Variants in GRIN2A observed in about 807,000 individuals in gnomAD.
GRIN2A encodes the protein glutamate ionotropic receptor NMDA type subunit 2A, also known as glutamate receptor ionotropic, NMDA 2A.
GRIN2A carries 22 observed loss-of-function variants against 113.4 expected under a neutral mutation model. The ratio of observed to expected loss-of-function variants is 0.19; its 90% CI spans 0.14 to 0.28. The LOEUF (loss-of-function observed/expected upper bound fraction) is 0.28. Ranked by LOEUF, GRIN2A falls within the 10% of genes least tolerant of loss-of-function variation. GRIN2A has a pLI of 1.00. For missense variants in GRIN2A, 1,502 were observed against 1,887.0 expected (o/e 0.80, Z 3.78); for synonymous variants, 827 against 738.4 (o/e 1.12, Z -1.94).
chr16:9,780,386 C>T (rs1456591733), intron 11 of GRIN2A, among the ~76,000 whole-genome samples: 3 of 152,146 alleles, frequency 2.0e-5, no homozygotes, highest in Admixed American at 6.5e-5. Flanking sequence ...CGATAAAATA[C>T]CACCCAGCAA....
intron 2 of GRIN2A, among the ~76,000 whole-genome samples, chr16:10,142,700 A>G (rs983271640): frequency 6.6e-6 from 1 of 152,170 alleles, no homozygotes; most frequent in Non-Finnish European, 1.5e-5. Context: ...CTCTGTCTCT[A>G]AAAACACAAA....
chr16:9,763,163 C>G lies in GRIN2A; in HGVS notation c.4381G>C (p.Glu1461Gln). ...RRVYKKMPSI[E>Q]SDV Reference sequence around the variant, plus strand: ...ATGGAAGATTTTTAAACATCAGATTCGATACTAGGCATTTTCTTGTACACG... The same window carrying G: ...ATGGAAGATTTTTAAACATCAGATTGGATACTAGGCATTTTCTTGTACACG... The change falls in exon 13 of 13, where the codon GAA becomes CAA. Residue 1461 changes from glutamate (E) to glutamine (Q), a missense_variant. Coordinates refer to ENST00000330684, the MANE Select transcript of GRIN2A (RefSeq NM_001134407.3). 1 of 1,613,724 alleles carries G rather than the reference C, an allele frequency of 6.2e-7. No individual in the cohort carries two copies. Among genetic ancestry groups the G allele is most frequent in the Non-Finnish European group, 8.5e-7 (1 of 1,179,658 alleles).
At chr16:9,939,310 G>A (rs1309128782) in intron 2 of GRIN2A, among the ~76,000 whole-genome samples, 1 of 152,154 alleles carries the variant, frequency 6.6e-6, no homozygotes, top group Non-Finnish European at 1.5e-5. Context: ...GATGCACTGC[G>A]ACTATCTCAG....
At chr16:9,897,113 G>A (rs533507759) in intron 3 of GRIN2A, among the ~76,000 whole-genome samples, 37 of 151,764 alleles carry the variant, frequency 2.4e-4, no homozygotes, top group Non-Finnish European at 4.3e-4. Flanking sequence ...GATTTGCCAA[G>A]ACGACTTCTG....
chr16:9,904,266 T>A (rs1173523543), intron 3 of GRIN2A, among the ~76,000 whole-genome samples: 1 of 152,202 alleles, frequency 6.6e-6, no homozygotes, highest in Non-Finnish European at 1.5e-5. Context: ...AGATTTGGTG[T>A]CTGGTGAAAG....
chr16:9,778,397 A>G (rs1433374243), intron 11 of GRIN2A, among the ~76,000 whole-genome samples: 1 of 152,216 alleles, frequency 6.6e-6, no homozygotes, highest in Non-Finnish European at 1.5e-5. Context: ...AGCACAAATG[A>G]ATTCATAGTG....
chr16:9,779,964 T>G (rs998401347), intron 11 of GRIN2A, among the ~76,000 whole-genome samples: 4 of 152,206 alleles, frequency 2.6e-5, no homozygotes, highest in Admixed American at 1.3e-4. Context: ...TGAGGTCAGG[T>G]TACATGAACC....
At chr16:9,787,895 C>G (rs1241073459) in intron 11 of GRIN2A, among the ~76,000 whole-genome samples, 1 of 152,186 alleles carries the variant, frequency 6.6e-6, no homozygotes, top group African/African-American at 2.4e-5. Flanking sequence ...GCTGAGTCAT[C>G]TGAGGACACA....
intron 2 of GRIN2A, among the ~76,000 whole-genome samples, chr16:10,027,391 A>C (rs2046844592): frequency 6.6e-6 from 1 of 152,208 alleles, no homozygotes; most frequent in African/African-American, 2.4e-5. Flanking sequence ...CAGTGCTCCA[A>C]GGAACGTTCA....
chr16:10,094,821 C>T (rs757348521), intron 2 of GRIN2A, among the ~76,000 whole-genome samples: 1 of 135,040 alleles, frequency 7.4e-6, no homozygotes, highest in Non-Finnish European at 1.5e-5. Context: ...AGGGTTGAAG[C>T]AGGAAAAGTA....
intron 2 of GRIN2A, among the ~76,000 whole-genome samples, chr16:10,125,060 G>A (rs995617876): frequency 6.6e-6 from 1 of 152,052 alleles, no homozygotes; most frequent in African/African-American, 2.4e-5. Flanking sequence ...AATCATGCAG[G>A]GTCTCTTCAT....
intron 2 of GRIN2A, among the ~76,000 whole-genome samples, chr16:9,983,179 C>T (rs1019421029): frequency 6.6e-6 from 1 of 152,152 alleles, no homozygotes. Context: ...TAACTATGGT[C>T]ATCCTACAGT....
At chr16:10,138,090 G>A (rs1046102866) in intron 2 of GRIN2A, among the ~76,000 whole-genome samples, 3 of 152,186 alleles carry the variant, frequency 2.0e-5, no homozygotes, top group Admixed American at 6.5e-5. Context: ...TCACCAAGGT[G>A]GGCATGGCAC....
At chr16:9,955,638 T>A (rs1245065508) in intron 2 of GRIN2A, among the ~76,000 whole-genome samples, 1 of 152,260 alleles carries the variant, frequency 6.6e-6, no homozygotes, top group East Asian at 1.9e-4. Flanking sequence ...TTAAACAAAT[T>A]GTCCAGAAAG....
intron 2 of GRIN2A, among the ~76,000 whole-genome samples, chr16:10,129,605 A>T (rs142511656): frequency 6.6e-6 from 1 of 152,310 alleles, no homozygotes; most frequent in Admixed American, 6.5e-5. Flanking sequence ...ACAAGTGCAA[A>T]GGTGAGTGTG....
At chr16:10,048,900 C>A (rs2047306908) in intron 2 of GRIN2A, among the ~76,000 whole-genome samples, 1 of 152,182 alleles carries the variant, frequency 6.6e-6, no homozygotes, top group South Asian at 2.1e-4. Flanking sequence ...GGGCCAAGTT[C>A]TACAAGCCTC....
intron 4 of GRIN2A, among the ~76,000 whole-genome samples, chr16:9,858,670 A>G (rs542555143): frequency 3.3e-5 from 5 of 152,336 alleles, no homozygotes; most frequent in African/African-American, 1.2e-4. Context: ...GCTTTTAGGA[A>G]ACTAATTGCT....
At chr16:9,772,560 A>G (rs1266874335) in intron 11 of GRIN2A, among the ~76,000 whole-genome samples, 2 of 152,250 alleles carry the variant, frequency 1.3e-5, no homozygotes, top group South Asian at 4.2e-4. Flanking sequence ...TTTAGTAGAG[A>G]CGAGGTTTCA....
At chr16:10,076,199 C>G (rs2047869502) in intron 2 of GRIN2A, among the ~76,000 whole-genome samples, 1 of 152,186 alleles carries the variant, frequency 6.6e-6, no homozygotes, top group Non-Finnish European at 1.5e-5. Flanking sequence ...TCCTCTGAGT[C>G]ACTGGTGCAA....
Sources: allele counts gnomAD v4.1 joint callset (sites outside exome capture counted in the v4.1 genomes callset), GRCh38; gene constraint gnomAD v4.1.1; transcripts MANE v1.5; gene names NCBI Gene and HGNC (gene_info 2026-07-23, HGNC 2026-07-21).